Variants in IL16 observed in about 807,000 individuals in gnomAD.
The protein encoded by IL16 is interleukin 16, also known as pro-interleukin-16.
In IL16, 67 loss-of-function variants were observed where a neutral mutation model predicts 110.1. The ratio of observed to expected loss-of-function variants is 0.61; its 90% CI spans 0.50 to 0.75. IL16 has a LOEUF of 0.75. Among genes scored for constraint, IL16 ranks in the 30% least tolerant of loss-of-function variants. The pLI is 0.00. For missense variants in IL16, 1,545 were observed against 1,655.0 expected, an observed-to-expected ratio of 0.93 and a Z score of 1.15; for synonymous variants, 689 against 662.9, an observed-to-expected ratio of 1.04 and a Z score of -0.61.
Position 81,261,720 on chromosome 15 carries a change from G to A in IL16, c.421+1840G>A, listed in dbSNP as rs116344952. Among the ~76,000 whole-genome samples, 1,070 of 152,074 alleles carry A rather than the reference G, an allele frequency of 7.0e-3. 17 individuals are homozygous for A. The highest frequency in any genetic ancestry group is 0.024 in the African/African-American group (1,001 of 41,462). ...AATTCTCAGAATCCCAACTGAGTGT[G>A]CCTTTTGTTTCTTCCCAAACCCTGA... is the stretch of plus-strand genomic sequence containing the variant. On this transcript the variant is annotated intron_variant, in intron 3 of 18. Transcript: ENST00000683961.
rs115252292 is a variant in IL16, at chr15:81,259,283, G to A, written c.313-489G>A. Among the ~76,000 whole-genome samples the A allele has an allele frequency of 7.9e-3, 1,196 of 152,258 alleles. 17 individuals are homozygous for A. Among genetic ancestry groups the A allele is most frequent in the African/African-American group, 0.027 (1,124 of 41,536 alleles). ...TATGCCAGAACAATGTAACTTGCTC[G>A]ATCTTTCTCTCTAAAACATACCTTC... is the stretch of plus-strand genomic sequence containing the variant. On this transcript the variant is annotated intron_variant, in intron 2 of 18. Coordinates refer to ENST00000683961, the MANE Select transcript of IL16 (RefSeq NM_172217.5).
chr15:81,299,456 C>G lies in IL16; in HGVS notation c.2130C>G (p.Ala710=), dbSNP rs771439822. ...ARMDYSFDTT[A]EDPWVRISDC... ...TGGACTATAGCTTTGATACCACAGCCGAAGACCCTTGGGTTAGGATTTCTG... is the reference window on the plus strand; with the variant it reads ...TGGACTATAGCTTTGATACCACAGCGGAAGACCCTTGGGTTAGGATTTCTG... Residue 710 remains alanine (A), a synonymous_variant, in exon 14 of 19, where the codon GCC becomes GCG. Transcript: ENST00000683961. 6.2e-7 allele frequency: 1 copy of G among 1,614,168 alleles called. No individual in the cohort carries two copies. The highest frequency in any genetic ancestry group is 1.6e-4 in the Middle Eastern group (1 of 6,062).
intron 12 of IL16, 34 bp downstream of exon 12, chr15:81,293,071 A>G (rs777802253): frequency 6.4e-7 from 1 of 1,557,652 alleles, no homozygotes; most frequent in Admixed American, 1.9e-5. Context: ...GAGTGTTTCC[A>G]GGACCAGACT....
intron 1 of IL16, among the ~76,000 whole-genome samples, chr15:81,220,441 C>T (rs1319790081): frequency 1.3e-5 from 2 of 152,172 alleles, no homozygotes; most frequent in Non-Finnish European, 2.9e-5. Flanking sequence ...AGGCTTGAGC[C>T]ACTGTACCCC....
At chr15:81,195,341 A>G (rs1895569695), upstream of IL16, among the ~76,000 whole-genome samples, 1 of 152,152 alleles carries the variant, frequency 6.6e-6, no homozygotes, top group South Asian at 2.1e-4. Context: ...TCTCTGCCAG[A>G]GCAAGATGGA....
At chr15:81,210,082 A>G (rs1471879373) in intron 1 of IL16, among the ~76,000 whole-genome samples, 1 of 152,206 alleles carries the variant, frequency 6.6e-6, no homozygotes, top group Non-Finnish European at 1.5e-5. Flanking sequence ...TCTTCAGCAT[A>G]TGGCTAGCCA....
chr15:81,221,098 A>G (rs1896600617), intron 1 of IL16, among the ~76,000 whole-genome samples: 1 of 152,016 alleles, frequency 6.6e-6, no homozygotes, highest in African/African-American at 2.4e-5. Context: ...CAGATCTAGT[A>G]TTCTGTGGAA....
chr15:81,207,237 CA>C (rs1246386993), intron 1 of IL16, among the ~76,000 whole-genome samples: 2 of 39,204 alleles, frequency 5.1e-5, no homozygotes, highest in Non-Finnish European at 8.9e-5. Context: ...GACTCTGTCT[CA>C]AAAAAAACAA....
At chr15:81,301,137 G>A (rs1900264810) in intron 14 of IL16, among the ~76,000 whole-genome samples, 1 of 152,156 alleles carries the variant, frequency 6.6e-6, no homozygotes, top group Non-Finnish European at 1.5e-5. Flanking sequence ...AAGTAGCTCT[G>A]CATTTATTAG....
In IL16 at chr15:81,303,501, C is replaced by T; in HGVS notation, c.3319-48C>T. ...GATGTCAGTCCGATGTTAAATTGTT[C>T]ATCCTCTTGCAGTAAAATGTTTTTG... On this transcript the variant is annotated intron_variant, in intron 15 of 18. Transcript: ENST00000683961. The surrounding 1 kb of genome is among the most constrained non-coding windows in gnomAD (Gnocchi z 4.1). 1 of 1,269,354 alleles carries T rather than the reference C, an allele frequency of 7.9e-7. No homozygotes were observed. Among genetic ancestry groups the T allele is most frequent in the Non-Finnish European group, 1.2e-6 (1 of 868,942 alleles). 78.6% of individuals were successfully genotyped at this position (1,269,354 alleles called of 1,614,324 possible).
chr15:81,233,411 G>C (rs1178961807), intron 2 of IL16, among the ~76,000 whole-genome samples: 2 of 151,510 alleles, frequency 1.3e-5, no homozygotes, highest in Non-Finnish European at 1.5e-5. Flanking sequence ...AAAAACCATA[G>C]TGATGTTCAT....
At chr15:81,221,440 A>C (rs777697587) in intron 1 of IL16, among the ~76,000 whole-genome samples, 4 of 152,142 alleles carry the variant, frequency 2.6e-5, no homozygotes, top group Non-Finnish European at 5.9e-5. Flanking sequence ...GGACTGGAGG[A>C]ATGGCATGGG....
At chr15:81,265,311 T>C (rs1388024078) in intron 3 of IL16, among the ~76,000 whole-genome samples, 2 of 152,146 alleles carry the variant, frequency 1.3e-5, no homozygotes. Flanking sequence ...TTGGTTGGGA[T>C]TGAAAACACC....
chr15:81,305,563 C>G (rs1255506182), intron 16 of IL16, among the ~76,000 whole-genome samples: 1 of 152,176 alleles, frequency 6.6e-6, no homozygotes, highest in Admixed American at 6.5e-5. Flanking sequence ...GCCATAGAAT[C>G]AGTGCCTTGA....
At chr15:81,261,069 C>T (rs182524682) in intron 3 of IL16, among the ~76,000 whole-genome samples, 44 of 152,294 alleles carry the variant, frequency 2.9e-4, no homozygotes, top group African/African-American at 9.6e-4. Context: ...CAGCAATTTA[C>T]AGATTTACAG....
intron 3 of IL16, among the ~76,000 whole-genome samples, chr15:81,262,079 GAGGTGAAGTTAAACATTCATAC>G (rs1172830989): frequency 3.9e-5 from 6 of 152,102 alleles, no homozygotes; most frequent in African/African-American, 7.2e-5. Context: ...CCCCCGAAAA[GAGGTGAAGTTAAACATTCATAC>G]AGGTGAAGTT....
chr15:81,254,579 T>C (rs1289260138), intron 2 of IL16, among the ~76,000 whole-genome samples: 1 of 152,030 alleles, frequency 6.6e-6, no homozygotes, highest in East Asian at 1.9e-4. Flanking sequence ...AATTACGGGG[T>C]GTATCACCCA....
intron 12 of IL16, among the ~76,000 whole-genome samples, chr15:81,294,035 G>A (rs1229062891): frequency 6.6e-6 from 1 of 152,184 alleles, no homozygotes; most frequent in Non-Finnish European, 1.5e-5. Flanking sequence ...GCCCTGCAGG[G>A]GCCCTGGCCC....
Position 81,308,569 on chromosome 15 carries a change from C to T in IL16, c.3806-36C>T, listed in dbSNP as rs762275113. ...GGAGGCAACTTTCCTTGTTCCCCAT[C>T]ATCTGTGGAACCCATTACCTTCTCC... On this transcript the variant is annotated intron_variant, in intron 18 of 18. Transcript: ENST00000683961. 6 of 1,486,530 alleles carry T rather than the reference C, an allele frequency of 4.0e-6. No homozygotes were observed. In the Admixed American group the frequency reaches 1.0e-4, roughly 25 times the overall value. The allele number at this position is 1,486,530 out of a possible 1,614,324, so 92.1% of individuals were successfully genotyped here.
Sources: gnomAD v4.1 joint callset for allele counts (sites outside exome capture counted in the v4.1 genomes callset) on GRCh38, gnomAD v4.1.1 for gene constraint, Gnocchi (gnomAD v3.1) non-coding constraint, MANE v1.5 for transcripts, NCBI Gene and HGNC (gene_info 2026-07-23, HGNC 2026-07-21) for gene names.